DIPK1A: variants seen among roughly 807,000 people sequenced by gnomAD.
DIPK1A encodes divergent protein kinase domain 1A.
DIPK1A carries 27 observed loss-of-function variants against 40.8 expected under a neutral mutation model. That is an observed-to-expected ratio of 0.66 (90% CI 0.49 to 0.91). The LOEUF is 0.91. Among genes scored for constraint, DIPK1A ranks in the 40% least tolerant of loss-of-function variants. The pLI, the probability that DIPK1A is intolerant of heterozygous loss-of-function variation, is 0.00. For synonymous variants in DIPK1A, 166 were observed against 171.3 expected (o/e 0.97, Z 0.24); for missense variants, 412 against 505.7 (o/e 0.81, Z 1.78).
chr1:92,900,764 G>A (rs1186022532), intron 1 of DIPK1A, among the ~76,000 whole-genome samples: 2 of 152,130 alleles, frequency 1.3e-5, no homozygotes, highest in Admixed American at 6.5e-5. Context: ...CCCTAGGGTA[G>A]AATTATAGCT....
chr1:92,939,199 G>T (rs987736972), intron 1 of DIPK1A, among the ~76,000 whole-genome samples: 8 of 152,110 alleles, frequency 5.3e-5, no homozygotes, highest in African/African-American at 1.9e-4. Flanking sequence ...ACCACGCCTG[G>T]CCTTCCATTT....
In DIPK1A at chr1:92,843,005, T is replaced by C. The variant is rs1687436829; in HGVS notation, c.*378A>G. On this transcript the variant is annotated 3_prime_UTR_variant, in exon 5 of 5. Transcript: ENST00000370310. ...ATTAGTAAATTTATAAATTTTCTTG[T>C]TGAACAGCAGCTTCAATGCAAACAC... The C allele has an allele frequency of 3.0e-6, 3 of 995,700 alleles. No homozygotes were observed. Among genetic ancestry groups the C allele is most frequent in the Admixed American group, 5.8e-5 (1 of 17,276 alleles). The allele number at this position is 995,700 out of a possible 1,614,324, so 61.7% of individuals were successfully genotyped here. A position where few individuals can be genotyped will look rare whatever the true frequency, so the allele number is the denominator to read the frequency against.
intron 2 of DIPK1A, among the ~76,000 whole-genome samples, chr1:92,858,901 G>A (rs1035894300): frequency 6.6e-6 from 1 of 152,184 alleles, no homozygotes; most frequent in Non-Finnish European, 1.5e-5. Context: ...AAAAGACACA[G>A]AAATTATAGA....
At chr1:92,942,513 GT>G (rs887265461) in intron 1 of DIPK1A, among the ~76,000 whole-genome samples, 3 of 151,402 alleles carry the variant, frequency 2.0e-5, no homozygotes, top group Admixed American at 6.6e-5. Context: ...TCTTTTAGCA[GT>G]TTTTTTTTCT....
At chr1:92,952,866 C>T (rs989826636) in intron 1 of DIPK1A, among the ~76,000 whole-genome samples, 3 of 151,928 alleles carry the variant, frequency 2.0e-5, no homozygotes, top group African/African-American at 7.2e-5. Context: ...AATTTTCAAG[C>T]AGTGGGGGAC....
intron 4 of DIPK1A, among the ~76,000 whole-genome samples, chr1:92,835,501 A>G (rs1001520666): frequency 5.3e-5 from 7 of 131,320 alleles, no homozygotes; most frequent in African/African-American, 1.5e-4. Context: ...AAAAAAGTAG[A>G]AAAAAAAAAA....
At chr1:92,949,125 G>A (rs1306144289) in intron 1 of DIPK1A, among the ~76,000 whole-genome samples, 5 of 151,642 alleles carry the variant, frequency 3.3e-5, no homozygotes, top group African/African-American at 9.7e-5. Context: ...AAGAACCAAC[G>A]ATTTGACATT....
intron 1 of DIPK1A, among the ~76,000 whole-genome samples, chr1:92,957,168 G>A (rs768169674): frequency 4.6e-5 from 7 of 152,186 alleles, no homozygotes; most frequent in Non-Finnish European, 1.0e-4. Flanking sequence ...CAGACTATGA[G>A]TAAACCCTAA....
At chr1:92,939,426 A>T (rs1651067848) in intron 1 of DIPK1A, among the ~76,000 whole-genome samples, 1 of 152,200 alleles carries the variant, frequency 6.6e-6, no homozygotes, top group African/African-American at 2.4e-5. Context: ...ATCTTCAGGG[A>T]TACAAATTTC....
chr1:92,862,097 T>C (rs1647308433), intron 2 of DIPK1A, among the ~76,000 whole-genome samples: 1 of 152,198 alleles, frequency 6.6e-6, no homozygotes, highest in Non-Finnish European at 1.5e-5. Context: ...TATTAGTGTT[T>C]TCCAGGGTTT....
chr1:92,847,688 CTAGT>C (rs1289731455), intron 3 of DIPK1A, among the ~76,000 whole-genome samples: 1 of 152,196 alleles, frequency 6.6e-6, no homozygotes, highest in East Asian at 1.9e-4. Context: ...ATTTAAGTAT[CTAGT>C]TATTTATCAA....
intron 1 of DIPK1A, among the ~76,000 whole-genome samples, chr1:92,896,163 T>C (rs889446088): frequency 6.6e-5 from 10 of 152,112 alleles, no homozygotes; most frequent in African/African-American, 1.2e-4. Context: ...ACTTTAAAGT[T>C]CATATGGAAC....
chr1:92,895,571 A>T (rs1330044753), intron 1 of DIPK1A, among the ~76,000 whole-genome samples: 1 of 152,110 alleles, frequency 6.6e-6, no homozygotes, highest in Non-Finnish European at 1.5e-5. Flanking sequence ...AAAAATTGGA[A>T]GCATTCCCTT....
chr1:92,844,045 G>T lies in DIPK1A; in HGVS notation c.625C>A (p.Leu209Ile). The T allele has an allele frequency of 6.4e-7, 1 of 1,552,096 alleles. No homozygotes were observed. Among genetic ancestry groups the T allele is most frequent in the Non-Finnish European group, 8.7e-7 (1 of 1,147,058 alleles). Residue 209 changes from leucine to isoleucine, a missense_variant, in exon 5 of 5, where the codon CTT (leucine) becomes ATT (isoleucine). Transcript: ENST00000370310. ...TTGGGGGTATGTTCTTTATCTTGAA[G>T]TATCACCATGAGAAGAAATTCATTC... ...QLNEFLLMVI[L>I]QDKEHTPKLM...
intron 1 of DIPK1A, among the ~76,000 whole-genome samples, chr1:92,905,256 C>T (rs9440134): frequency 0.69 from 104,108 of 151,896 alleles, 36,177 homozygotes; most frequent in East Asian, 0.96. Context: ...GCTGTACTAA[C>T]CTACATTCCC....
chr1:92,897,946 A>G (rs902764183), intron 1 of DIPK1A, among the ~76,000 whole-genome samples: 4 of 152,118 alleles, frequency 2.6e-5, no homozygotes, highest in Admixed American at 2.6e-4. Flanking sequence ...TAAAAATACA[A>G]AAATTAGCCA....
At chr1:92,899,644 T>C (rs1027504070) in intron 1 of DIPK1A, among the ~76,000 whole-genome samples, 2 of 152,218 alleles carry the variant, frequency 1.3e-5, no homozygotes, top group African/African-American at 4.8e-5. Context: ...TTTTCCTCTC[T>C]TAATGTTTAT....
intron 1 of DIPK1A, among the ~76,000 whole-genome samples, chr1:92,903,954 T>A (rs1047036426): frequency 1.3e-5 from 2 of 152,164 alleles, no homozygotes; most frequent in African/African-American, 4.8e-5. Context: ...CTGCAGCAGT[T>A]TTTAGAAGAG....
intron 1 of DIPK1A, among the ~76,000 whole-genome samples, chr1:92,960,487 G>T (rs187794015): frequency 7.2e-5 from 11 of 152,204 alleles, no homozygotes; most frequent in African/African-American, 2.6e-4. Flanking sequence ...TTTTTCCATC[G>T]GAGTGATGGA....
Sources: gnomAD v4.1 joint callset for allele counts (sites outside exome capture counted in the v4.1 genomes callset) on GRCh38, gnomAD v4.1.1 for gene constraint, MANE v1.5 for transcripts, NCBI Gene and HGNC (gene_info 2026-07-23, HGNC 2026-07-21) for gene names.